The following NBAS variants were observed in gnomAD, a reference collection of about 807,000 sequenced individuals.
The protein encoded by NBAS is NAG/BC035112 fusion.
In NBAS, 219 loss-of-function variants were observed where a neutral mutation model predicts 302.5. The ratio of observed to expected loss-of-function variants is 0.72; its 90% CI spans 0.65 to 0.81. The LOEUF (loss-of-function observed/expected upper bound fraction) is 0.81, where lower values mean the gene tolerates loss of function less well. Ranked by LOEUF, NBAS falls within the 30% of genes least tolerant of loss-of-function variation. The pLI, the probability that NBAS is intolerant of heterozygous loss-of-function variation, is 0.00. For synonymous variants in NBAS, 1,118 were observed against 1,021.6 expected (o/e 1.09, Z -1.80); for missense variants, 2,932 against 2,841.6 (o/e 1.03, Z -0.72).
Position 15,328,190 on chromosome 2 carries a change from T to C in NBAS, c.4461+9A>G, listed in dbSNP as rs1203042863. On this transcript the variant is annotated intron_variant, in intron 37 of 51. Transcript: ENST00000281513. ...GTTAAATCTATCTTCCTAGACACGC[T>C]GTCCTTACCTCAGCGACAAAAGGAT... 1 of 1,609,030 alleles carries C rather than the reference T, an allele frequency of 6.2e-7. No individual in the cohort carries two copies. Among genetic ancestry groups the C allele is most frequent in the Non-Finnish European group, 8.5e-7 (1 of 1,175,868 alleles).
chr2:15,393,833 A>T (rs879626706), intron 28 of NBAS: 1 of 414,708 alleles, frequency 2.4e-6, no homozygotes, highest in African/African-American at 2.1e-5. Flanking sequence ...TACTGAGTGA[A>T]AGCCAAACAA....
At chr2:14,961,266 T>C in the NBAS span, among the ~76,000 whole-genome samples, 3 of 152,124 alleles carry the variant, frequency 2.0e-5, no homozygotes, top group South Asian at 2.1e-4. Context: ...GCTTGAACAT[T>C]TGTCTACTCC....
chr2:15,145,514 C>T, the NBAS span, among the ~76,000 whole-genome samples: 1 of 151,728 alleles, frequency 6.6e-6, no homozygotes, highest in East Asian at 1.9e-4. Context: ...ACCTGGAGTT[C>T]CAGTTGAGAC....
chr2:15,203,286 G>T (rs1665968883), intron 48 of NBAS, among the ~76,000 whole-genome samples: 1 of 152,102 alleles, frequency 6.6e-6, no homozygotes, highest in South Asian at 2.1e-4. Context: ...ACCACTTTGA[G>T]TCTATTTCCT....
At chr2:15,536,268 T>C in intron 8 of NBAS, 150 bp downstream of exon 8, 1 of 837,706 alleles carries the variant, frequency 1.2e-6, no homozygotes, top group Non-Finnish European at 1.8e-6. Context: ...AAGTAATGGG[T>C]GTTCACCACA....
chr2:15,379,952 T>G, intron 29 of NBAS, 121 bp from the exon 30 acceptor site: 1 of 799,266 alleles, frequency 1.3e-6, no homozygotes, highest in Non-Finnish European at 2.1e-6. Flanking sequence ...AGGTGGTGGC[T>G]GCACAGCACT....
At position 15,541,805 on chromosome 2, in the gene NBAS, G is replaced by A. The variant is rs1194769633; in HGVS notation, c.380-2449C>T. On this transcript the variant is annotated intron_variant, in intron 6 of 51. Transcript: ENST00000281513. Reference sequence around the variant, plus strand: ...AGTCGCCCCGTCCGGGAGGGAGGTGGGGGGGTTCAGCCCCCCGCCCGGCCA... The same window carrying A: ...AGTCGCCCCGTCCGGGAGGGAGGTGAGGGGGTTCAGCCCCCCGCCCGGCCA... 4.8e-5 allele frequency among the ~76,000 whole-genome samples: 4 copies of A among 83,230 alleles called. 1 individual carries two copies. Among genetic ancestry groups the A allele is most frequent in the Non-Finnish European group, 1.2e-4 (4 of 34,714 alleles). 54.6% of individuals were successfully genotyped at this position (83,230 alleles called of 152,430 possible).
intron 21 of NBAS, among the ~76,000 whole-genome samples, chr2:15,429,270 T>A (rs1306261658): frequency 6.6e-6 from 1 of 152,162 alleles, no homozygotes. Flanking sequence ...ACTAAATCAT[T>A]CTGAATTAAG....
the NBAS span, among the ~76,000 whole-genome samples, chr2:14,876,912 AG>A: frequency 6.6e-6 from 1 of 152,246 alleles, no homozygotes; most frequent in African/African-American, 2.4e-5. Flanking sequence ...TCAGGAATGC[AG>A]CACCTCATTG....
chr2:15,280,625 G>A (rs1193803536), intron 42 of NBAS, among the ~76,000 whole-genome samples: 1 of 152,086 alleles, frequency 6.6e-6, no homozygotes, highest in Non-Finnish European at 1.5e-5. Flanking sequence ...TCGGCTTTCT[G>A]CTTCTACTCA....
the NBAS span, among the ~76,000 whole-genome samples, chr2:15,072,563 T>C: frequency 6.6e-6 from 1 of 152,228 alleles, no homozygotes; most frequent in African/African-American, 2.4e-5. Context: ...GAGCTGCTCC[T>C]TAAATCATCA....
At chr2:15,169,462 C>G (rs1664192447) in intron 51 of NBAS, among the ~76,000 whole-genome samples, 1 of 152,142 alleles carries the variant, frequency 6.6e-6, no homozygotes, top group Non-Finnish European at 1.5e-5. Context: ...GTCTCAACCC[C>G]ACAGAGCTCC....
the NBAS span, among the ~76,000 whole-genome samples, chr2:14,978,528 T>TA: frequency 6.6e-6 from 1 of 152,170 alleles, no homozygotes; most frequent in Non-Finnish European, 1.5e-5. Flanking sequence ...TCTTTCTGGG[T>TA]AAAGGTAAAA....
chr2:15,364,658 G>GCT (rs1429640913), intron 32 of NBAS, among the ~76,000 whole-genome samples: 2 of 152,150 alleles, frequency 1.3e-5, no homozygotes, highest in African/African-American at 4.8e-5. Flanking sequence ...AGTACAAGGA[G>GCT]AAATCACAGA....
chr2:14,858,266 A>G, the NBAS span, among the ~76,000 whole-genome samples: 2 of 152,130 alleles, frequency 1.3e-5, no homozygotes, highest in Admixed American at 6.5e-5. Context: ...TCCTCAAAAA[A>G]CTAAAAATAG....
the NBAS span, among the ~76,000 whole-genome samples, chr2:15,115,702 G>A: frequency 3.4e-4 from 51 of 151,580 alleles, no homozygotes; most frequent in Admixed American, 3.2e-3. Flanking sequence ...TTGTATAGAC[G>A]AAGCTTTGTT....
At chr2:15,500,483 C>T (rs1310006379) in intron 11 of NBAS, among the ~76,000 whole-genome samples, 4 of 147,780 alleles carry the variant, frequency 2.7e-5, no homozygotes, top group Non-Finnish European at 5.9e-5. Context: ...ATATTCTACA[C>T]CATTATATTT....
In NBAS at chr2:15,467,723, A is replaced by G. The variant is rs1361855990; in HGVS notation, c.1959T>C (p.Asn653=). 1 of 1,610,290 alleles carries G rather than the reference A, an allele frequency of 6.2e-7. No individual in the cohort carries two copies. The highest frequency in any genetic ancestry group is 1.3e-5 in the African/African-American group (1 of 74,850). The change falls in exon 18 of 52, where the codon AAT becomes AAC. Residue 653 remains asparagine (N), a synonymous_variant. Transcript: ENST00000281513. ...TCTTCTTGAGCTCCTTTTCCTTTTT[A>G]TTCTTGGCAGGCTCTTCATCAGGTG... is the stretch of plus-strand genomic sequence containing the variant. ...LSPPDEEPAK[N]KKEKELKKRQ...
chr2:15,202,158 A>C (rs1665905825), intron 48 of NBAS, among the ~76,000 whole-genome samples: 1 of 152,212 alleles, frequency 6.6e-6, no homozygotes, highest in Non-Finnish European at 1.5e-5. Context: ...ACAGGAATGT[A>C]GGCTCCCAAG....
Sources: gnomAD v4.1 joint callset for allele counts (sites outside exome capture counted in the v4.1 genomes callset) on GRCh38, gnomAD v4.1.1 for gene constraint, MANE v1.5 for transcripts, NCBI Gene and HGNC (gene_info 2026-07-23, HGNC 2026-07-21) for gene names.